Variants in ZNF443 observed in about 807,000 individuals in gnomAD.
ZNF443 encodes the protein Kruppel-type zinc finger (C2H2).
In ZNF443, 3 loss-of-function variants were observed where a neutral mutation model predicts 12.0. That is an observed-to-expected ratio of 0.25 (90% confidence interval 0.11 to 0.64). The LOEUF is 0.64. Among genes scored for constraint, ZNF443 ranks in the 30% least tolerant of loss-of-function variants. The pLI is 0.84. For synonymous variants in ZNF443, 225 were observed against 265.9 expected (o/e 0.85, Z 1.50); for missense variants, 770 against 808.8 (o/e 0.95, Z 0.58).
At chr19:12,433,752 CAG>C (rs1970281316) in intron 1 of ZNF443, among the ~76,000 whole-genome samples, 2 of 150,980 alleles carry the variant, frequency 1.3e-5, no homozygotes, top group African/African-American at 4.9e-5. Context: ...ACATACTCAG[CAG>C]ACAGAGTGCA....
chr19:12,430,325 T>C lies in ZNF443; in HGVS notation c.1847A>G (p.Tyr616Cys), dbSNP rs1406865317. 3 of 1,613,840 alleles carry C rather than the reference T, an allele frequency of 1.9e-6. No individual in the cohort carries two copies. The South Asian group carries it at 3.3e-5, about 18-fold the overall frequency. Residue 616 changes from tyrosine to cysteine, a missense_variant, in exon 4 of 4, where the codon TAT becomes TGT. By Grantham distance (194) the Tyr-to-Cys change is radical. Coordinates refer to ENST00000301547, the MANE Select transcript of ZNF443 (RefSeq NM_005815.5). ...HEKTHTGENP[Y>C]ECKECGKAFA... ...TGCTTTCCCACATTCCTTACATTCA[T>C]ACGGGTTCTCTCCAGTATGAGTTTT...
chr19:12,438,611 C>T lies in ZNF443; in HGVS notation c.3+2301G>A, dbSNP rs531324047. Among the ~76,000 whole-genome samples the T allele has an allele frequency of 2.6e-5, 4 of 152,048 alleles. No homozygotes were observed. In the South Asian group the frequency reaches 8.3e-4, roughly 32 times the overall value. ...TAAAAATGTATTCCTTTTTTGCAGC[C>T]ATAATGGAAGAGGGTTTTTCCCTTG... On this transcript the variant is annotated intron_variant, in intron 1 of 3. Transcript: ENST00000301547.
At chr19:12,433,839 G>T (rs1043846739) in intron 1 of ZNF443, among the ~76,000 whole-genome samples, 2 of 115,118 alleles carry the variant, frequency 1.7e-5, no homozygotes, top group African/African-American at 6.1e-5. Context: ...CAAAGTGGCA[G>T]AAAAAAAAAA....
At chr19:12,436,215 T>C (rs1970306624) in intron 1 of ZNF443, among the ~76,000 whole-genome samples, 1 of 134,820 alleles carries the variant, frequency 7.4e-6, no homozygotes, top group Non-Finnish European at 1.6e-5. Flanking sequence ...GCGTGGTGGC[T>C]CACACCTATA....
chr19:12,440,030 CAG>C (rs1297877026), intron 1 of ZNF443, among the ~76,000 whole-genome samples: 1 of 151,790 alleles, frequency 6.6e-6, no homozygotes, highest in Admixed American at 6.6e-5. Context: ...TTGGAAGACT[CAG>C]AGGGGAAACG....
Position 12,430,405 on chromosome 19 carries a change from T to C in ZNF443, c.1767A>G (p.Glu589=), listed in dbSNP as rs780219538. Reference sequence around the variant, plus strand: ...TGAAGGCTTTACCACATTGTGGACATTCATAGGATTTCTCTCTCATGTGAA... The same window carrying C: ...TGAAGGCTTTACCACATTGTGGACACTCATAGGATTTCTCTCTCATGTGAA... ...ERIHMREKSY[E]CPQCGKAFTH... is the part of the protein sequence containing the mutation. Residue 589 remains glutamate (E), a synonymous_variant, in exon 4 of 4, where the codon GAA becomes GAG. Transcript: ENST00000301547. 33 of 1,573,624 alleles carry C rather than the reference T, an allele frequency of 2.1e-5. No homozygotes were observed. The Middle Eastern group carries it at 5.1e-4, about 24-fold the overall frequency.
At chr19:12,434,366 A>G (rs1177459204) in intron 1 of ZNF443, among the ~76,000 whole-genome samples, 1 of 152,202 alleles carries the variant, frequency 6.6e-6, no homozygotes, top group African/African-American at 2.4e-5. Context: ...AATGTAGTGA[A>G]GTATCACAAG....
In ZNF443 at chr19:12,430,005, G is replaced by C. The variant is rs559220927; in HGVS notation, c.*151C>G. 7 of 1,388,378 alleles carry C rather than the reference G, an allele frequency of 5.0e-6. No individual in the cohort carries two copies. The East Asian group carries it at 7.3e-5, about 14-fold the overall frequency. 86.0% of individuals were successfully genotyped at this position (1,388,378 alleles called of 1,614,324 possible). On this transcript the variant is annotated 3_prime_UTR_variant, in exon 4 of 4. Transcript: ENST00000301547. ...AACCAATACCCAGCAGGTATCAAGG[G>C]ATGACTGTACTGGAAAGAAACTGAA... is the stretch of plus-strand genomic sequence containing the variant.
At chr19:12,435,376 C>A (rs1049000376) in intron 1 of ZNF443, among the ~76,000 whole-genome samples, 1 of 152,036 alleles carries the variant, frequency 6.6e-6, no homozygotes, top group Non-Finnish European at 1.5e-5. Context: ...AGCCTGTAGA[C>A]AACTGCAAGA....
At chr19:12,438,330 T>A (rs1412999225) in intron 1 of ZNF443, among the ~76,000 whole-genome samples, 1 of 152,198 alleles carries the variant, frequency 6.6e-6, no homozygotes, top group Non-Finnish European at 1.5e-5. Context: ...AAAGCCCAAA[T>A]ACCTATCCCT....
At chr19:12,438,544 T>G (rs1404318373) in intron 1 of ZNF443, among the ~76,000 whole-genome samples, 1 of 152,136 alleles carries the variant, frequency 6.6e-6, no homozygotes, top group Non-Finnish European at 1.5e-5. Flanking sequence ...ACTGAACTTT[T>G]GTTAAATCTT....
intron 1 of ZNF443, among the ~76,000 whole-genome samples, chr19:12,434,710 C>G (rs1378408902): frequency 6.6e-6 from 1 of 151,552 alleles, no homozygotes; most frequent in Non-Finnish European, 1.5e-5. Context: ...CAAATATATA[C>G]ATATACATAT....
At chr19:12,432,047 A>G in intron 3 of ZNF443, 67 bp from the exon 4 acceptor site, 1 of 1,244,950 alleles carries the variant, frequency 8.0e-7, no homozygotes, top group Non-Finnish European at 1.1e-6. Context: ...ATTAATAAGT[A>G]TTGGATGTAC....
At chr19:12,432,523 CA>C in intron 2 of ZNF443, 86 bp from the exon 3 acceptor site, 2 of 903,088 alleles carry the variant, frequency 2.2e-6, no homozygotes, top group Non-Finnish European at 3.3e-6. Flanking sequence ...TGCAATCGTT[CA>C]AAATGCATTC....
intron 1 of ZNF443, among the ~76,000 whole-genome samples, chr19:12,436,516 T>C (rs1202595394): frequency 6.6e-6 from 1 of 151,984 alleles, no homozygotes; most frequent in African/African-American, 2.4e-5. Context: ...CATATAGAAT[T>C]TATGCAGCTG....
In ZNF443 at chr19:12,431,096, T is replaced by G. The variant is rs1248143820; in HGVS notation, c.1076A>C (p.His359Pro). ...LGSFQRHMIR[H>P]TGNGPHKCKI... ...ACATTTATGAGGTCCATTTCCAGTG[T>G]GCCTTATCATGTGTCTTTGAAAGCT... is the stretch of plus-strand genomic sequence containing the variant. Residue 359 changes from histidine (H) to proline (P), a missense_variant, in exon 4 of 4, where the codon CAC (histidine) becomes CCC (proline). This residue lies in a region of ZNF443 where 736 missense variants were observed against 689.4 expected (regional missense o/e 1.07). Transcript: ENST00000301547. 8 of 1,614,044 alleles carry G rather than the reference T, an allele frequency of 5.0e-6. No homozygotes were observed. Among genetic ancestry groups the G allele is most frequent in the Non-Finnish European group, 6.8e-6 (8 of 1,180,010 alleles).
intron 1 of ZNF443, among the ~76,000 whole-genome samples, chr19:12,435,084 T>C (rs1970295476): frequency 6.6e-6 from 1 of 151,096 alleles, no homozygotes. Flanking sequence ...TTCAAGCAAT[T>C]CTCCTGCCTC....
chr19:12,437,699 T>C (rs1289142286), intron 1 of ZNF443, among the ~76,000 whole-genome samples: 2 of 152,040 alleles, frequency 1.3e-5, no homozygotes, highest in African/African-American at 4.8e-5. Context: ...GCAAGAAAAC[T>C]ATTTTTTTTA....
At chr19:12,439,546 G>A (rs1970344691) in intron 1 of ZNF443, among the ~76,000 whole-genome samples, 1 of 152,006 alleles carries the variant, frequency 6.6e-6, no homozygotes, top group Non-Finnish European at 1.5e-5. Context: ...GGATGCAGAG[G>A]CACGATCATA....
Sources: allele counts gnomAD v4.1 joint callset (sites outside exome capture counted in the v4.1 genomes callset), GRCh38; gene constraint gnomAD v4.1.1; regional missense constraint gnomAD v4.1.1; transcripts MANE v1.5; gene names NCBI Gene and HGNC (gene_info 2026-07-23, HGNC 2026-07-21).